The following CRB1 variants were observed in gnomAD, a reference collection of about 807,000 sequenced individuals.
The protein encoded by CRB1 is crumbs cell polarity complex component 1.
Under a neutral mutation model 120.0 loss-of-function variants are expected in CRB1, and 83 were observed. That is an observed-to-expected ratio of 0.69 (90% CI 0.58 to 0.83). The LOEUF (loss-of-function observed/expected upper bound fraction) is 0.83, where lower values mean the gene tolerates loss of function less well. Among genes scored for constraint, CRB1 ranks in the 40% least tolerant of loss-of-function variants. The pLI is 0.00. For synonymous variants in CRB1, 625 were observed against 612.5 expected, an observed-to-expected ratio of 1.02 and a Z score of -0.30; for missense variants, 1,699 against 1,687.6, an observed-to-expected ratio of 1.01 and a Z score of -0.12.
chr1:197,420,010 A>AC (rs1664218437), intron 5 of CRB1, among the ~76,000 whole-genome samples: 1 of 151,178 alleles, frequency 6.6e-6, no homozygotes, highest in South Asian at 2.1e-4. Flanking sequence ...CAAACAAAAA[A>AC]AACTAGTTAA....
chr1:197,365,816 A>G (rs138183885), intron 5 of CRB1, among the ~76,000 whole-genome samples: 2 of 151,938 alleles, frequency 1.3e-5, no homozygotes. Flanking sequence ...TCCTTGTGTT[A>G]TGCTGGAGGT....
chr1:197,363,262 T>C (rs1660875055), intron 5 of CRB1, among the ~76,000 whole-genome samples: 2 of 152,128 alleles, frequency 1.3e-5, no homozygotes, highest in Admixed American at 1.3e-4. Flanking sequence ...TCCATTGTGT[T>C]TACTTATGTG....
At chr1:197,319,680 A>T (rs2125288170) in intron 1 of CRB1, among the ~76,000 whole-genome samples, 1 of 150,926 alleles carries the variant, frequency 6.6e-6, no homozygotes, top group East Asian at 1.9e-4. Context: ...TTTTTTTCTC[A>T]CCCATTTAAT....
At chr1:197,434,173 A>AAAT (rs1665008605) in intron 8 of CRB1, among the ~76,000 whole-genome samples, 1 of 152,162 alleles carries the variant, frequency 6.6e-6, no homozygotes. Context: ...CCAGGTAAGT[A>AAAT]AATCAGTCAT....
At chr1:197,264,613 C>CTTTTT, upstream of CRB1, among the ~76,000 whole-genome samples, 1 of 131,062 alleles carries the variant, frequency 7.6e-6, no homozygotes, top group Non-Finnish European at 1.7e-5. Context: ...GTGCATTCTT[C>CTTTTT]TTTTTTTTTT....
chr1:197,396,544 T>C (rs569378645), intron 5 of CRB1, among the ~76,000 whole-genome samples: 1 of 152,152 alleles, frequency 6.6e-6, no homozygotes, highest in African/African-American at 2.4e-5. Flanking sequence ...ATGAACAAAG[T>C]TGAAGGACTC....
intron 1 of CRB1, among the ~76,000 whole-genome samples, chr1:197,276,719 GTAAGTTGTCCA>G (rs1481928743): frequency 6.6e-6 from 1 of 151,916 alleles, no homozygotes; most frequent in Admixed American, 6.6e-5. Context: ...TTGAGATACT[GTAAGTTGTCCA>G]ACATAACTGA....
chr1:197,252,576 ATATATATGTGTG>A, the CRB1 span, among the ~76,000 whole-genome samples: 1 of 35,064 alleles, frequency 2.9e-5, no homozygotes, highest in Admixed American at 2.9e-4. Flanking sequence ...ATATATATAT[ATATATATGTGTG>A]TGTGTGTGTG....
At chr1:197,307,651 A>C (rs1211589433) in intron 1 of CRB1, among the ~76,000 whole-genome samples, 1 of 152,212 alleles carries the variant, frequency 6.6e-6, no homozygotes, top group Non-Finnish European at 1.5e-5. Flanking sequence ...TTCTAATCAA[A>C]AGGCAAGGAA....
At chr1:197,304,462 T>A (rs1024201737) in intron 1 of CRB1, 28 of 791,880 alleles carry the variant, frequency 3.5e-5, no homozygotes, top group Admixed American at 1.2e-4. Context: ...CCTCTATGAT[T>A]TTCATATTCT....
intron 4 of CRB1, among the ~76,000 whole-genome samples, chr1:197,351,762 A>G (rs568481495): frequency 6.6e-6 from 1 of 152,214 alleles, no homozygotes; most frequent in East Asian, 1.9e-4. Flanking sequence ...GGAGCTGGAA[A>G]TGATGTGGGG....
chr1:197,309,013 ATATATGTATATACACAAACGTG>A (rs1383874055), intron 1 of CRB1, among the ~76,000 whole-genome samples: 1 of 151,358 alleles, frequency 6.6e-6, no homozygotes, highest in Admixed American at 6.6e-5. Context: ...AATATACAGT[ATATATGTATATACACAAACGTG>A]TATATGTATA....
rs112304121 is a variant in CRB1 at position 197,411,998 on chromosome 1, C to G, written c.1172-9002C>G. ...TCAGCCTCCCCCTAGCAGAGCACCC[C>G]TCAAGTCCTATTGACCAGGATTGGG... On this transcript the variant is annotated intron_variant, in intron 5 of 11. Coordinates refer to ENST00000367400, the MANE Select transcript of CRB1 (RefSeq NM_201253.3). Among the ~76,000 whole-genome samples the G allele has an allele frequency of 7.9e-4, 121 of 152,298 alleles. 1 individual carries two copies. The highest frequency in any genetic ancestry group is 2.8e-3 in the African/African-American group (118 of 41,558).
intron 1 of CRB1, among the ~76,000 whole-genome samples, chr1:197,292,614 G>T (rs1052623496): frequency 6.6e-6 from 1 of 151,970 alleles, no homozygotes; most frequent in East Asian, 1.9e-4. Flanking sequence ...AAAAAAAAGA[G>T]AATTTTAGAC....
At chr1:197,381,554 C>T (rs959245283) in intron 5 of CRB1, among the ~76,000 whole-genome samples, 3 of 152,146 alleles carry the variant, frequency 2.0e-5, no homozygotes, top group African/African-American at 7.2e-5. Flanking sequence ...CGTGTTTCCT[C>T]AATGAACACA....
rs1435790086 is a variant in CRB1, at chr1:197,458,074, G to A, written c.4005+15782G>A. 3.3e-5 allele frequency among the ~76,000 whole-genome samples: 5 copies of A among 152,056 alleles called. No homozygotes were observed. The East Asian group carries it at 9.6e-4, about 29-fold the overall frequency. ...ACCATTAAAGCCATAACCTTCCTCA[G>A]GGATCACCGAACGAGGGTTATAGAC... On this transcript the variant is annotated intron_variant, in intron 11 of 11. Coordinates refer to ENST00000367400, the MANE Select transcript of CRB1 (RefSeq NM_201253.3).
chr1:197,435,078 A>G lies in CRB1; in HGVS notation c.3215A>G (p.Asn1072Ser), dbSNP rs758332743. ...AGCACAATTGCTACTGGAAGCCTCA[A>G]CTTTTTGAAGGATAATACAGATATT... ...VTSTIATGSL[N>S]FLKDNTDIYV... The change falls in exon 9 of 12, where the codon AAC becomes AGC. Residue 1072 changes from asparagine (N) to serine (S), a missense_variant. Transcript: ENST00000367400. The G allele has an allele frequency of 6.2e-7, 1 of 1,613,974 alleles. No individual in the cohort carries two copies. The highest frequency in any genetic ancestry group is 8.5e-7 in the Non-Finnish European group (1 of 1,179,902).
chr1:197,319,363 G>A (rs1658049035), intron 1 of CRB1, among the ~76,000 whole-genome samples: 1 of 131,922 alleles, frequency 7.6e-6, no homozygotes, highest in South Asian at 2.6e-4. Flanking sequence ...GGGAGGTAGA[G>A]GTTGCAATGA....
chr1:197,228,777 C>T, the CRB1 span, among the ~76,000 whole-genome samples: 2 of 152,084 alleles, frequency 1.3e-5, no homozygotes, highest in Admixed American at 6.5e-5. Flanking sequence ...TAAAGACATA[C>T]CCTAGACTGG....
Sources: gnomAD v4.1 joint callset for allele counts (sites outside exome capture counted in the v4.1 genomes callset) on GRCh38, gnomAD v4.1.1 for gene constraint, MANE v1.5 for transcripts, NCBI Gene and HGNC (gene_info 2026-07-23, HGNC 2026-07-21) for gene names.